MACROD2: variants seen among roughly 807,000 people sequenced by gnomAD.
MACROD2 encodes mono-ADP ribosylhydrolase 2.
Under a neutral mutation model 70.4 loss-of-function variants are expected in MACROD2, and 36 were observed. The ratio of observed to expected loss-of-function variants is 0.51; its 90% CI spans 0.39 to 0.68. MACROD2 has a LOEUF of 0.68. MACROD2 is among the 30% of genes least tolerant of loss of function. The pLI is 0.00. For synonymous variants in MACROD2, 172 were observed against 178.8 expected (o/e 0.96, Z 0.30); for missense variants, 496 against 538.4 (o/e 0.92, Z 0.78).
chr20:14,801,877 AT>A (rs1456554049), intron 5 of MACROD2, among the ~76,000 whole-genome samples: 4 of 151,974 alleles, frequency 2.6e-5, no homozygotes, highest in Non-Finnish European at 5.9e-5. Flanking sequence ...TTCCAGTCCT[AT>A]TTTTCTGATT....
chr20:15,317,418 T>G (rs1372178928), intron 6 of MACROD2, among the ~76,000 whole-genome samples: 2 of 151,772 alleles, frequency 1.3e-5, no homozygotes, highest in Non-Finnish European at 2.9e-5. Context: ...AGAAGAAACA[T>G]TAGTATTAGT....
chr20:15,120,378 C>T (rs143436905), intron 5 of MACROD2, among the ~76,000 whole-genome samples: 210 of 152,240 alleles, frequency 1.4e-3, no homozygotes, highest in African/African-American at 4.5e-3. Flanking sequence ...TGAACTTTAT[C>T]TCAGACTGCA....
intron 6 of MACROD2, among the ~76,000 whole-genome samples, chr20:15,259,182 T>TAACAACAAC (rs145254296): frequency 0.084 from 12,722 of 151,340 alleles, 599 homozygotes; most frequent in Middle Eastern, 0.14. Flanking sequence ...GGTAATTTTT[T>TAACAACAAC]AACAACAACA....
At chr20:15,568,716 T>C (rs764554801) in intron 8 of MACROD2, among the ~76,000 whole-genome samples, 10 of 152,294 alleles carry the variant, frequency 6.6e-5, no homozygotes, top group East Asian at 3.9e-4. Flanking sequence ...ACAGGAGATA[T>C]GTGCTCCTAC....
intron 5 of MACROD2, among the ~76,000 whole-genome samples, chr20:15,113,736 G>T (rs552043644): frequency 6.7e-6 from 1 of 150,140 alleles, no homozygotes; most frequent in Non-Finnish European, 1.5e-5. Flanking sequence ...AAAACTTAAA[G>T]ATAGGTATGG....
chr20:15,756,585 T>C (rs1208330883), intron 8 of MACROD2, among the ~76,000 whole-genome samples: 9 of 152,124 alleles, frequency 5.9e-5, no homozygotes, highest in Non-Finnish European at 1.2e-4. Flanking sequence ...AACATGAGGA[T>C]GCCGTCATAA....
chr20:15,156,167 T>C (rs930826520), intron 5 of MACROD2, among the ~76,000 whole-genome samples: 1 of 152,130 alleles, frequency 6.6e-6, no homozygotes, highest in Admixed American at 6.6e-5. Context: ...ACTAAAGAAG[T>C]GATGGCAAGG....
chr20:14,975,568 C>T (rs187904702), intron 5 of MACROD2, among the ~76,000 whole-genome samples: 4 of 152,090 alleles, frequency 2.6e-5, no homozygotes, highest in East Asian at 3.9e-4. Flanking sequence ...GGGAGGAAAG[C>T]AGTGAAAGGG....
chr20:14,814,674 G>A (rs1600691090), intron 5 of MACROD2, among the ~76,000 whole-genome samples: 1 of 151,914 alleles, frequency 6.6e-6, no homozygotes, highest in Non-Finnish European at 1.5e-5. Context: ...AAAACTATAG[G>A]TACTTACCAT....
chr20:14,454,749 C>CT (rs11087091), intron 3 of MACROD2, among the ~76,000 whole-genome samples: 991 of 80,500 alleles, frequency 0.012, 21 homozygotes, highest in Non-Finnish European at 0.017. Context: ...TCTCTACACT[C>CT]TTTTTTTTTT....
intron 3 of MACROD2, among the ~76,000 whole-genome samples, chr20:14,401,148 G>A (rs907048013): frequency 3.3e-5 from 5 of 152,126 alleles, no homozygotes; most frequent in African/African-American, 7.2e-5. Flanking sequence ...CTGAGTATAC[G>A]TGTAGTCTAG....
chr20:15,064,004 A>G (rs191155618), intron 5 of MACROD2, among the ~76,000 whole-genome samples: 163 of 152,308 alleles, frequency 1.1e-3, no homozygotes, highest in African/African-American at 3.6e-3. Flanking sequence ...CCTCAATTAT[A>G]GGTGAGGAAA....
chr20:15,791,740 A>G (rs1377191305), intron 8 of MACROD2, among the ~76,000 whole-genome samples: 1 of 152,044 alleles, frequency 6.6e-6, no homozygotes, highest in Non-Finnish European at 1.5e-5. Flanking sequence ...AAGGACCCAT[A>G]TGAAGAAAAC....
At chr20:15,566,300 A>G (rs1370121257) in intron 8 of MACROD2, among the ~76,000 whole-genome samples, 1 of 147,430 alleles carries the variant, frequency 6.8e-6, no homozygotes, top group East Asian at 1.9e-4. Flanking sequence ...CCTGGCCAAC[A>G]TGGCGAAACC....
At position 14,306,344 on chromosome 20, in the gene MACROD2, T is replaced by A. The variant is rs113188801; in HGVS notation, c.272-187135T>A. Among the ~76,000 whole-genome samples the A allele has an allele frequency of 4.1e-3, 625 of 152,196 alleles. 7 individuals carry two copies. The highest frequency in any genetic ancestry group is 0.015 in the African/African-American group (608 of 41,544). ...TTATTCAAGTTATTGATAAAAAGCT[T>A]GAAAAAATTCAGGCTTGAGGACAGG... On this transcript the variant is annotated intron_variant, in intron 3 of 17. Transcript: ENST00000684519.
rs2067293600 is a variant in MACROD2 at position 16,040,503 on chromosome 20, A to G, written c.1154-698A>G. Among the ~76,000 whole-genome samples, 4 of 152,016 alleles carry G rather than the reference A, an allele frequency of 2.6e-5. No homozygotes were observed. The South Asian group carries it at 8.3e-4, about 31-fold the overall frequency. On this transcript the variant is annotated intron_variant, in intron 15 of 17. Coordinates refer to ENST00000684519, the MANE Select transcript of MACROD2 (RefSeq NM_001351661.2). The stretch of plus-strand genomic sequence containing the variant: ...GTTATAAAAACTTAAGAGAGATTTA[A>G]CTAAGAAGCAAGAAATGATTGTCCT...
At chr20:16,010,583 C>T (rs1270136677) in intron 15 of MACROD2, among the ~76,000 whole-genome samples, 1 of 152,152 alleles carries the variant, frequency 6.6e-6, no homozygotes, top group Non-Finnish European at 1.5e-5. Context: ...GGGCTTTATC[C>T]TCTTTAAAGT....
chr20:14,803,938 G>C (rs1175034661), intron 5 of MACROD2, among the ~76,000 whole-genome samples: 1 of 151,978 alleles, frequency 6.6e-6, no homozygotes, highest in Non-Finnish European at 1.5e-5. Flanking sequence ...CTCAAAGAAG[G>C]CAAAATGGAA....
intron 8 of MACROD2, among the ~76,000 whole-genome samples, chr20:15,568,906 C>A (rs2048343033): frequency 6.6e-6 from 1 of 152,138 alleles, no homozygotes; most frequent in Non-Finnish European, 1.5e-5. Flanking sequence ...CTTGGGAACA[C>A]CAGGATTTTA....
Sources: gnomAD v4.1 joint callset for allele counts (sites outside exome capture counted in the v4.1 genomes callset) on GRCh38, gnomAD v4.1.1 for gene constraint, MANE v1.5 for transcripts, NCBI Gene and HGNC (gene_info 2026-07-23, HGNC 2026-07-21) for gene names.